Variants in NLGN4X observed in about 807,000 individuals in gnomAD.
The protein encoded by NLGN4X is neuroligin-4, X-linked.
NLGN4X carries 3 observed loss-of-function variants against 40.3 expected under a neutral mutation model. That is an observed-to-expected ratio of 0.07 (90% CI 0.03 to 0.19). The LOEUF (loss-of-function observed/expected upper bound fraction) is 0.19, where lower values mean the gene tolerates loss of function less well. Ranked by LOEUF, NLGN4X falls within the 10% of genes least tolerant of loss-of-function variation. The pLI, the probability that NLGN4X is intolerant of heterozygous loss-of-function variation, is 1.00. For synonymous variants in NLGN4X, 270 were observed against 306.8 expected, an observed-to-expected ratio of 0.88 and a Z score of 1.25; for missense variants, 382 against 708.3, an observed-to-expected ratio of 0.54 and a Z score of 5.23.
chrX:6,173,565 G>A (rs2040655194), intron 1 of NLGN4X, among the ~76,000 whole-genome samples: 2 of 112,169 alleles, frequency 1.8e-5, no homozygotes, highest in Admixed American at 1.9e-4. Context: ...CCATTCCACA[G>A]AGGGTCCTAC....
At chrX:6,146,712 C>A (rs1345154265) in intron 2 of NLGN4X, among the ~76,000 whole-genome samples, 3 of 104,677 alleles carry the variant, frequency 2.9e-5, no homozygotes, top group Non-Finnish European at 5.9e-5. Flanking sequence ...AAAAAAACAA[C>A]CCAAAATTTC....
chrX:6,068,976 T>C (rs939657422), intron 2 of NLGN4X, among the ~76,000 whole-genome samples: 18 of 112,226 alleles, frequency 1.6e-4, no homozygotes, highest in African/African-American at 5.8e-4. Flanking sequence ...GCATATAAAA[T>C]GTAAAATTGA....
chrX:6,117,234 T>C (rs2039323191), intron 2 of NLGN4X, among the ~76,000 whole-genome samples: 1 of 110,901 alleles, frequency 9.0e-6, no homozygotes, highest in African/African-American at 3.3e-5. Context: ...TTTCAGTTAA[T>C]GCCTTGGACT....
chrX:5,923,554 G>T lies in NLGN4X; in HGVS notation c.626-14315C>A, dbSNP rs769235175. 8.9e-5 allele frequency among the ~76,000 whole-genome samples: 10 copies of T among 112,342 alleles called. No homozygotes were observed. In the South Asian group the frequency reaches 3.7e-3, roughly 42 times the overall value. On this transcript the variant is annotated intron_variant, in intron 3 of 5. Transcript: ENST00000381095. Reference sequence around the variant, plus strand: ...GGGAGGCCTCACAATCATGGTGGAAGGTAAAAGGCATGTCTCACATGGCAG... The same window carrying T: ...GGGAGGCCTCACAATCATGGTGGAATGTAAAAGGCATGTCTCACATGGCAG...
chrX:5,923,518 C>T (rs2033154176), intron 3 of NLGN4X, among the ~76,000 whole-genome samples: 1 of 112,390 alleles, frequency 8.9e-6, no homozygotes, highest in African/African-American at 3.2e-5. Flanking sequence ...CTTAACAGTT[C>T]CACGTGCCTG....
chrX:5,989,098 A>AT (rs1171161212), intron 3 of NLGN4X, among the ~76,000 whole-genome samples: 29 of 101,794 alleles, frequency 2.8e-4, no homozygotes, highest in Admixed American at 6.0e-4. Context: ...AAAAATAAAA[A>AT]AAAAAATAAA....
intron 2 of NLGN4X, among the ~76,000 whole-genome samples, chrX:6,062,598 C>A (rs1349975376): frequency 9.0e-6 from 1 of 111,095 alleles, no homozygotes; most frequent in East Asian, 2.9e-4. Flanking sequence ...TGTGTCCCCA[C>A]CCAAATCTCA....
chrX:6,196,014 G>A (rs1038465641), intron 1 of NLGN4X, among the ~76,000 whole-genome samples: 4 of 110,766 alleles, frequency 3.6e-5, no homozygotes, highest in African/African-American at 1.3e-4. Context: ...GGCTGGTCTC[G>A]AACTCTGGGC....
At chrX:5,898,544 G>C in intron 5 of NLGN4X, among the ~76,000 whole-genome samples, 1 of 111,253 alleles carries the variant, frequency 9.0e-6, no homozygotes, top group Non-Finnish European at 1.9e-5. Flanking sequence ...ACTTCATCTT[G>C]GCAAACACAT....
chrX:6,031,838 C>T (rs1299240709), intron 2 of NLGN4X, among the ~76,000 whole-genome samples: 2 of 109,104 alleles, frequency 1.8e-5, no homozygotes, highest in Non-Finnish European at 3.8e-5. Flanking sequence ...AAACAGCATG[C>T]GAGTTGTCTG....
intron 1 of NLGN4X, among the ~76,000 whole-genome samples, chrX:6,158,401 G>T (rs924830340): frequency 2.7e-5 from 3 of 111,945 alleles, no homozygotes; most frequent in African/African-American, 9.7e-5. Flanking sequence ...AGCCATCTTT[G>T]TTGGTTTCTC....
At chrX:5,948,398 A>T (rs189019760) in intron 3 of NLGN4X, among the ~76,000 whole-genome samples, 3 of 112,629 alleles carry the variant, frequency 2.7e-5, no homozygotes, top group East Asian at 5.6e-4. Flanking sequence ...GATTATAAAT[A>T]ACATACGCCA....
chrX:5,929,865 G>A (rs1231934122), intron 3 of NLGN4X, among the ~76,000 whole-genome samples: 1 of 112,285 alleles, frequency 8.9e-6, no homozygotes, highest in East Asian at 2.8e-4. Flanking sequence ...ACTTAGGTTT[G>A]ATAAAGAGTG....
chrX:6,227,661 C>G (rs1167800870), intron 1 of NLGN4X: 1 of 111,307 alleles, frequency 9.0e-6, no homozygotes, highest in Non-Finnish European at 1.9e-5. Context: ...AGCCCGCTCC[C>G]CGGTTTACAG....
intron 1 of NLGN4X, among the ~76,000 whole-genome samples, chrX:6,154,692 A>C (rs1312113399): frequency 8.9e-6 from 1 of 112,328 alleles, no homozygotes; most frequent in Non-Finnish European, 1.9e-5. Context: ...TTAATAAAAA[A>C]GGTGAAAACT....
At chrX:6,206,766 G>C (rs1924072271) in intron 1 of NLGN4X, among the ~76,000 whole-genome samples, 1 of 111,581 alleles carries the variant, frequency 9.0e-6, no homozygotes, top group African/African-American at 3.3e-5. Flanking sequence ...CAGTTGTACG[G>C]AATAAGGGCC....
chrX:5,902,584 G>A (rs2031935162), intron 5 of NLGN4X, among the ~76,000 whole-genome samples: 1 of 112,079 alleles, frequency 8.9e-6, no homozygotes, highest in Admixed American at 9.4e-5. Flanking sequence ...AGCTACTCAG[G>A]AGGCTGAGGC....
chrX:6,189,968 G>A (rs769828178), intron 1 of NLGN4X, among the ~76,000 whole-genome samples: 13 of 109,279 alleles, frequency 1.2e-4, no homozygotes, highest in Non-Finnish European at 1.1e-4. Flanking sequence ...ATATGCTGAT[G>A]AAAAATGATG....
At chrX:6,112,426 C>A (rs935114964) in intron 2 of NLGN4X, among the ~76,000 whole-genome samples, 1 of 111,160 alleles carries the variant, frequency 9.0e-6, no homozygotes, top group Admixed American at 9.6e-5. Flanking sequence ...AAATAAATAT[C>A]CATGAGTCCA....
Sources: allele counts gnomAD v4.1 joint callset (sites outside exome capture counted in the v4.1 genomes callset), GRCh38; gene constraint gnomAD v4.1.1; transcripts MANE v1.5; gene names NCBI Gene and HGNC (gene_info 2026-07-23, HGNC 2026-07-21).